Variants in FAM186B observed in about 807,000 individuals in gnomAD.
The protein encoded by FAM186B is family with sequence similarity 186 member B.
In FAM186B, 68 loss-of-function variants were observed where a neutral mutation model predicts 83.4. The ratio of observed to expected loss-of-function variants is 0.81; its 90% CI spans 0.67 to 1.00. The LOEUF is 1.00. Among genes scored for constraint, FAM186B ranks in the 50% least tolerant of loss-of-function variants. The probability of loss-of-function intolerance (pLI) is 0.00; values close to 1 mark genes in which losing one functional copy is unlikely to be tolerated. For missense variants in FAM186B, 983 were observed against 1,099.2 expected (o/e 0.89, Z 1.49); for synonymous variants, 389 against 422.0 (o/e 0.92, Z 0.96).
chr12:49,607,464 G>A (rs1940045738), upstream of FAM186B, among the ~76,000 whole-genome samples: 2 of 151,520 alleles, frequency 1.3e-5, no homozygotes, highest in Admixed American at 6.6e-5. Flanking sequence ...GTAACCTATC[G>A]ATGCTCACTA....
chr12:49,588,704 T>C, intron 5 of FAM186B, 81 bp from the exon 6 acceptor site: 4 of 1,425,090 alleles, frequency 2.8e-6, no homozygotes, highest in Non-Finnish European at 3.8e-6. Flanking sequence ...GTCTGTTTGT[T>C]GGTGCCCCTG....
chr12:49,596,324 A>G (rs1240978984), intron 5 of FAM186B, among the ~76,000 whole-genome samples: 1 of 70,784 alleles, frequency 1.4e-5, no homozygotes, highest in Non-Finnish European at 2.6e-5. Context: ...CCCCCGTCTC[A>G]AAAAAAAAAA....
intron 1 of FAM186B, chr12:49,605,093 C>G: frequency 9.2e-7 from 1 of 1,082,024 alleles, no homozygotes; most frequent in African/African-American, 1.6e-5. Context: ...TTCTCCTGCC[C>G]TCTAAAACCC....
intron 1 of FAM186B, among the ~76,000 whole-genome samples, chr12:49,605,046 G>C (rs1317395807): frequency 3.9e-5 from 6 of 152,130 alleles, no homozygotes; most frequent in Non-Finnish European, 7.4e-5. Context: ...CAGCTTGGGG[G>C]ATTCTGGAGG....
chr12:49,583,459 A>G, downstream of FAM186B: 1 of 191,374 alleles, frequency 5.2e-6, no homozygotes, highest in Non-Finnish European at 1.1e-5. Flanking sequence ...CCAGAAAAGA[A>G]AGAGCCTGGG....
chr12:49,614,371 T>C, the FAM186B span, among the ~76,000 whole-genome samples: 2 of 152,144 alleles, frequency 1.3e-5, no homozygotes, highest in Non-Finnish European at 2.9e-5. Context: ...ATGTGGTCCA[T>C]ACACACCATG....
the FAM186B span, among the ~76,000 whole-genome samples, chr12:49,612,536 T>G: frequency 4.2e-5 from 6 of 143,744 alleles, no homozygotes; most frequent in Non-Finnish European, 9.2e-5. Flanking sequence ...TTTATGTGTG[T>G]TTTTTTTTTT....
the FAM186B span, among the ~76,000 whole-genome samples, chr12:49,615,541 A>G: frequency 6.6e-6 from 1 of 152,246 alleles, no homozygotes; most frequent in Non-Finnish European, 1.5e-5. Context: ...CTGTAATCCC[A>G]GTACTTTGGG....
chr12:49,594,936 A>G (rs377125209), intron 5 of FAM186B, among the ~76,000 whole-genome samples: 12 of 152,210 alleles, frequency 7.9e-5, no homozygotes, highest in African/African-American at 2.9e-4. Flanking sequence ...CAGATCTGGT[A>G]TAGAACTTGC....
downstream of FAM186B, chr12:49,583,248 TAC>T: frequency 5.8e-6 from 2 of 347,048 alleles, no homozygotes; most frequent in Non-Finnish European, 1.1e-5. Flanking sequence ...ATAGTCTCAT[TAC>T]ATTTATAAAA....
chr12:49,599,097 A>G (rs1323991379), intron 4 of FAM186B, 150 bp from the exon 5 acceptor site: 2 of 807,946 alleles, frequency 2.5e-6, no homozygotes, highest in African/African-American at 3.5e-5. Context: ...GGGCAGAGAA[A>G]AGTGGGAGGT....
In FAM186B at chr12:49,601,002, G is replaced by A. The variant is rs143179540; in HGVS notation, c.638C>T (p.Thr213Met). 27,636 of 1,614,130 alleles carry A rather than the reference G, an allele frequency of 0.017. 296 individuals are homozygous for A. Among genetic ancestry groups the A allele is most frequent in the Middle Eastern group, 0.027 (164 of 6,062 alleles). The change falls in exon 4 of 7, where the codon ACG (threonine) becomes ATG (methionine). Residue 213 changes from threonine (T) to methionine (M), a missense_variant. By Grantham distance (81) the Thr-to-Met change is moderately conservative (BLOSUM62 -1). Transcript: ENST00000257894. ...GTCCAGGAGCTCCTGCAGCATGGAC[G>A]TCACCTCCGAGGCCTTCGTGTTCAT... The part of the protein sequence containing the change: ...HTMNTKASEV[T>M]SMLQELLDST...
chr12:49,603,809 G>T (rs560287932), intron 2 of FAM186B, among the ~76,000 whole-genome samples: 2 of 152,290 alleles, frequency 1.3e-5, no homozygotes, highest in Admixed American at 1.3e-4. Flanking sequence ...GCAGGGGGCA[G>T]GGCACATACC....
chr12:49,621,191 T>C, the FAM186B span, among the ~76,000 whole-genome samples: 3 of 152,182 alleles, frequency 2.0e-5, no homozygotes, highest in Non-Finnish European at 2.9e-5. Context: ...AAGTCCAGCC[T>C]GGCCAGCATG....
chr12:49,618,186 A>G, the FAM186B span, among the ~76,000 whole-genome samples: 2 of 152,174 alleles, frequency 1.3e-5, no homozygotes, highest in African/African-American at 4.8e-5. Context: ...CTCTACTAAA[A>G]ATACAAAAAT....
At chr12:49,616,468 A>G in the FAM186B span, among the ~76,000 whole-genome samples, 3 of 152,248 alleles carry the variant, frequency 2.0e-5, no homozygotes, top group African/African-American at 7.2e-5. Flanking sequence ...CCCAAACACA[A>G]CAGTCCATCA....
At chr12:49,607,761 G>A (rs1047235539), upstream of FAM186B, among the ~76,000 whole-genome samples, 3 of 152,100 alleles carry the variant, frequency 2.0e-5, no homozygotes, top group East Asian at 3.9e-4. Context: ...GTGCAGTGGC[G>A]TGATCTCGGC....
At position 49,599,712 on chromosome 12, in the gene FAM186B, C is replaced by T. The variant is rs757210686; in HGVS notation, c.1928G>A (p.Arg643Gln). The T allele has an allele frequency of 5.0e-6, 8 of 1,613,340 alleles. No homozygotes were observed. The highest frequency in any genetic ancestry group is 2.7e-5 in the African/African-American group (2 of 75,004). Residue 643 changes from arginine to glutamine, a missense_variant, in exon 4 of 7, where the codon CGA (arginine) becomes CAA (glutamine). Transcript: ENST00000257894. Reference protein sequence around the residue: ...ASFPVTGTSIRRLTWPSLQIS... With the variant: ...ASFPVTGTSIQRLTWPSLQIS... Reference sequence around the variant, plus strand: ...CTGCAAAGAGGGCCAGGTCAGCCTTCGGATGGATGTCCCAGTGACAGGAAA... The same window carrying T: ...CTGCAAAGAGGGCCAGGTCAGCCTTTGGATGGATGTCCCAGTGACAGGAAA...
intron 5 of FAM186B, among the ~76,000 whole-genome samples, chr12:49,590,872 T>C (rs1939566290): frequency 6.6e-6 from 1 of 152,120 alleles, no homozygotes; most frequent in South Asian, 2.1e-4. Flanking sequence ...AAATAAAAAG[T>C]AAAACTACTA....
Sources: allele counts gnomAD v4.1 joint callset (sites outside exome capture counted in the v4.1 genomes callset), GRCh38; gene constraint gnomAD v4.1.1; transcripts MANE v1.5; gene names NCBI Gene and HGNC (gene_info 2026-07-23, HGNC 2026-07-21).